Variants in MMAB observed in about 807,000 individuals in gnomAD.
MMAB encodes the protein metabolism of cobalamin associated B, also known as corrinoid adenosyltransferase MMAB.
Under a neutral mutation model 30.6 loss-of-function variants are expected in MMAB, and 17 were observed. That is an observed-to-expected ratio of 0.56 (90% CI 0.38 to 0.83). MMAB has a LOEUF of 0.83. MMAB is among the 40% of genes least tolerant of loss of function. The probability of loss-of-function intolerance (pLI) is 0.00; values close to 1 mark genes in which losing one functional copy is unlikely to be tolerated. For synonymous variants in MMAB, 134 were observed against 138.6 expected (o/e 0.97, Z 0.23); for missense variants, 311 against 331.6 (o/e 0.94, Z 0.48).
chr12:109,564,710 A>C (rs1884353430), intron 4 of MMAB: 1 of 309,634 alleles, frequency 3.2e-6, no homozygotes, highest in Non-Finnish European at 6.3e-6. Flanking sequence ...ACAGGGTCTC[A>C]ATCTCTTGCC....
At chr12:109,566,606 C>T (rs1451925307) in intron 3 of MMAB, among the ~76,000 whole-genome samples, 1 of 152,244 alleles carries the variant, frequency 6.6e-6, no homozygotes, top group Non-Finnish European at 1.5e-5. Context: ...TGCTCCCACC[C>T]TCGTAGCTGC....
chr12:109,561,599 C>T lies in MMAB; in HGVS notation c.422-82G>A. On this transcript the variant is annotated intron_variant, in intron 5 of 8. Transcript: ENST00000545712. The surrounding 1 kb of genome is among the most constrained non-coding windows in gnomAD (Gnocchi z 5.3). Reference sequence around the variant, plus strand: ...GCGGGAACCACCCCCGCCGCCCTTCCACCTGGGTGTCCCGCAGACTGCTTC... The same window carrying T: ...GCGGGAACCACCCCCGCCGCCCTTCTACCTGGGTGTCCCGCAGACTGCTTC... The T allele has an allele frequency of 1.5e-6, 2 of 1,322,236 alleles. No homozygotes were observed. Among genetic ancestry groups the T allele is most frequent in the Non-Finnish European group, 1.1e-6 (1 of 948,186 alleles). 81.9% of individuals were successfully genotyped at this position (1,322,236 alleles called of 1,614,324 possible).
chr12:109,571,722 T>A lies in MMAB; in HGVS notation c.135-12A>T, dbSNP rs779361459. On this transcript the variant is annotated splice_polypyrimidine_tract_variant and intron_variant, in intron 1 of 8. Coordinates refer to ENST00000545712, the MANE Select transcript of MMAB (RefSeq NM_052845.4). ...AGGAAGGCTGTGGCCTAATGAGAAA[T>A]AAACATCAGTATCTGGTGAGTGGGG... 2 of 1,612,642 alleles carry A rather than the reference T, an allele frequency of 1.2e-6. No homozygotes were observed. The highest frequency in any genetic ancestry group is 3.3e-5 in the Admixed American group (2 of 60,014).
chr12:109,570,787 T>C (rs1328642815), intron 2 of MMAB, among the ~76,000 whole-genome samples: 1 of 150,366 alleles, frequency 6.7e-6, no homozygotes. Context: ...GGTGGGAGGA[T>C]TGCTTGAGTC....
In MMAB at chr12:109,561,159, G is replaced by A. The variant is rs375973769; in HGVS notation, c.520-55C>T. The A allele has an allele frequency of 2.7e-4, 434 of 1,599,702 alleles. 1 individual carries two copies. In the African/African-American group the frequency reaches 3.5e-3, roughly 13 times the overall value. ...AGGGTGGGAAAGGTGTGCCCACTGC[G>A]GACAGGAGCTCCTCTGAAGTCCAGC... On this transcript the variant is annotated intron_variant, in intron 6 of 8. Coordinates refer to ENST00000545712, the MANE Select transcript of MMAB (RefSeq NM_052845.4). The surrounding 1 kb of genome is among the most constrained non-coding windows in gnomAD (Gnocchi z 5.3).
At chr12:109,562,804 G>A (rs1449168842) in intron 4 of MMAB, among the ~76,000 whole-genome samples, 1 of 152,208 alleles carries the variant, frequency 6.6e-6, no homozygotes, top group African/African-American at 2.4e-5. Context: ...CTCTGTCCAG[G>A]TGGGGAGTGG....
At chr12:109,565,939 G>A (rs1884406966) in intron 3 of MMAB, among the ~76,000 whole-genome samples, 1 of 152,206 alleles carries the variant, frequency 6.6e-6, no homozygotes, top group African/African-American at 2.4e-5. Flanking sequence ...CAGTGCCCCA[G>A]CAGGAGACAG....
chr12:109,564,829 C>T, intron 4 of MMAB: 2 of 527,740 alleles, frequency 3.8e-6, no homozygotes, highest in Non-Finnish European at 6.8e-6. Context: ...CAGGCATTCA[C>T]CACTATGCCT....
Position 109,565,142 on chromosome 12 carries a change from T to G in MMAB, c.325A>C (p.Thr109Pro). Residue 109 changes from threonine to proline, a missense_variant, in exon 4 of 9, where the codon ACA becomes CCA. Physicochemically the swap from Thr to Pro is conservative, Grantham distance 38 (BLOSUM62 -1). Transcript: ENST00000545712. Reference protein sequence around the residue: ...ALELVTEKGHTFAEELQKIQC... With the variant: ...ALELVTEKGHPFAEELQKIQC... Reference sequence around the variant, plus strand: ...ACTTTCTGAAGCTCTTCGGCAAATGTATGGCCCTTTTCTGTGACTAATTCC... The same window carrying G: ...ACTTTCTGAAGCTCTTCGGCAAATGGATGGCCCTTTTCTGTGACTAATTCC... 1 of 1,614,102 alleles carries G rather than the reference T, an allele frequency of 6.2e-7. No individual in the cohort carries two copies. The highest frequency in any genetic ancestry group is 8.5e-7 in the Non-Finnish European group (1 of 1,179,968).
chr12:109,561,871 T>C lies in MMAB; in HGVS notation c.349-19A>G. On this transcript the variant is annotated intron_variant, in intron 4 of 8. Coordinates refer to ENST00000545712, the MANE Select transcript of MMAB (RefSeq NM_052845.4). The surrounding 1 kb of genome is among the most constrained non-coding windows in gnomAD (Gnocchi z 5.3). ...ACTGGATCTGGGGGGCGACAGAAAG[T>C]GACAGTCAAGATCTATGTGAGATGG... The C allele has an allele frequency of 6.3e-7, 1 of 1,592,138 alleles. No homozygotes were observed. The highest frequency in any genetic ancestry group is 8.6e-7 in the Non-Finnish European group (1 of 1,167,772).
rs1173652509 is a variant in MMAB, at chr12:109,554,527, A to G, written c.*2501T>C. On this transcript the variant is annotated 3_prime_UTR_variant, in exon 9 of 9. Transcript: ENST00000545712. The stretch of plus-strand genomic sequence containing the variant: ...AATCTACGATAAGCAAGGGATCACG[A>G]CTTTAAATAAAAACAGGCTGCTGTT... 2 of 454,134 alleles carry G rather than the reference A, an allele frequency of 4.4e-6. No individual in the cohort carries two copies. Among genetic ancestry groups the G allele is most frequent in the Non-Finnish European group, 4.4e-6 (1 of 226,800 alleles). The allele number at this position is 454,134 out of a possible 1,614,324, so 28.1% of individuals were successfully genotyped here.
In MMAB at chr12:109,555,860, C is replaced by T; in HGVS notation, c.*1168G>A. ...TAAGAAGGTAATGTTTGCTGACTTG[C>T]CAGCAAGAAAGATGGCCGGAAAGAC... On this transcript the variant is annotated 3_prime_UTR_variant, in exon 9 of 9. Transcript: ENST00000545712. 2.2e-6 allele frequency: 1 copy of T among 454,060 alleles called. No individual in the cohort carries two copies. Among genetic ancestry groups the T allele is most frequent in the Non-Finnish European group, 4.4e-6 (1 of 226,776 alleles). The allele number at this position is 454,060 out of a possible 1,614,324, so 28.1% of individuals were successfully genotyped here. A position where few individuals can be genotyped will look rare whatever the true frequency, so the allele number is the denominator to read the frequency against.
At chr12:109,566,098 CT>C (rs1195180049) in intron 3 of MMAB, among the ~76,000 whole-genome samples, 1 of 152,072 alleles carries the variant, frequency 6.6e-6, no homozygotes, top group African/African-American at 2.4e-5. Context: ...TCTGGAGTCA[CT>C]CAGCAGGGAG....
rs1212343502 is a variant in MMAB, at chr12:109,561,366, T to G, written c.519+54A>C. 2 of 1,543,706 alleles carry G rather than the reference T, an allele frequency of 1.3e-6. No individual in the cohort carries two copies. The highest frequency in any genetic ancestry group is 2.4e-5 in the South Asian group (2 of 83,998). On this transcript the variant is annotated intron_variant, in intron 6 of 8. Transcript: ENST00000545712. This position sits in a 1 kb window ranked among gnomAD's most constrained non-coding sequence, Gnocchi z 5.3. ...GGGATTTATTCAGAGCCCATGTGTG[T>G]CTGTCACTGAACCTGCCTGCAGCCG... is the stretch of plus-strand genomic sequence containing the variant.
chr12:109,563,711 C>T (rs1439562358), intron 4 of MMAB, among the ~76,000 whole-genome samples: 1 of 152,230 alleles, frequency 6.6e-6, no homozygotes, highest in East Asian at 1.9e-4. Flanking sequence ...TGAAAGCCTT[C>T]CTCCACCACA....
intron 3 of MMAB, among the ~76,000 whole-genome samples, chr12:109,565,715 G>A (rs1332893087): frequency 6.6e-6 from 1 of 152,226 alleles, no homozygotes; most frequent in Non-Finnish European, 1.5e-5. Context: ...TGCAAACTGA[G>A]ATCAGTGCTC....
chr12:109,571,396 C>T (rs545865510), intron 2 of MMAB, among the ~76,000 whole-genome samples: 5 of 152,174 alleles, frequency 3.3e-5, no homozygotes, highest in Admixed American at 2.0e-4. Flanking sequence ...GGGTTACAGG[C>T]ATGGACCACC....
intron 2 of MMAB, among the ~76,000 whole-genome samples, chr12:109,571,308 G>C (rs1884619341): frequency 6.6e-6 from 1 of 151,876 alleles, no homozygotes; most frequent in Admixed American, 6.6e-5. Flanking sequence ...GAGTGCAGTG[G>C]CATGATCTTG....
intron 2 of MMAB, 44 bp downstream of exon 2, chr12:109,571,605 T>C (rs745446166): frequency 6.5e-6 from 10 of 1,547,232 alleles, no homozygotes; most frequent in Non-Finnish European, 8.9e-6. Context: ...AAATGGTGTA[T>C]GCCATGAGTA....
Sources: gnomAD v4.1 joint callset for allele counts (sites outside exome capture counted in the v4.1 genomes callset) on GRCh38, gnomAD v4.1.1 for gene constraint, Gnocchi (gnomAD v3.1) non-coding constraint, MANE v1.5 for transcripts, NCBI Gene and HGNC (gene_info 2026-07-23, HGNC 2026-07-21) for gene names.